The following ILDR2 variants were observed in gnomAD, a reference collection of about 807,000 sequenced individuals.
ILDR2 encodes the protein immunoglobulin-like domain-containing receptor 2.
ILDR2 carries 25 observed loss-of-function variants against 66.8 expected under a neutral mutation model. The observed-to-expected ratio is 0.37, with a 90% CI of 0.27 to 0.52. ILDR2 has a LOEUF of 0.52. Ranked by LOEUF, ILDR2 falls within the 20% of genes least tolerant of loss-of-function variation. The probability of loss-of-function intolerance (pLI) is 0.88; values close to 1 mark genes in which losing one functional copy is unlikely to be tolerated. For missense variants in ILDR2, 827 were observed against 876.8 expected (o/e 0.94, Z 0.72); for synonymous variants, 367 against 357.2 (o/e 1.03, Z -0.31).
intron 2 of ILDR2, among the ~76,000 whole-genome samples, chr1:166,902,592 G>T (rs2101813317): frequency 6.6e-6 from 1 of 152,358 alleles, no homozygotes; most frequent in Middle Eastern, 3.4e-3. Flanking sequence ...GAAACACATT[G>T]TCTCAGTCAC....
chr1:166,945,905 C>A (rs1038637664), intron 3 of ILDR2, among the ~76,000 whole-genome samples: 8 of 152,140 alleles, frequency 5.3e-5, no homozygotes, highest in Non-Finnish European at 1.0e-4. Context: ...TCCCCAGCTC[C>A]GTGTGGTTCC....
chr1:166,963,589 C>T (rs1662752352), intron 1 of ILDR2, among the ~76,000 whole-genome samples: 1 of 152,100 alleles, frequency 6.6e-6, no homozygotes, highest in African/African-American at 2.4e-5. Flanking sequence ...TCTAGAATAC[C>T]GTTTTTAAAA....
intron 3 of ILDR2, among the ~76,000 whole-genome samples, chr1:166,950,997 A>G (rs952260178): frequency 7.9e-5 from 12 of 152,214 alleles, no homozygotes; most frequent in African/African-American, 2.9e-4. Flanking sequence ...AGAAGCACAA[A>G]TGGATGAATT....
In ILDR2 at chr1:166,921,162, ACTC is replaced by A; in HGVS notation, c.1426_1428del (p.Glu476del). The A allele has an allele frequency of 3.2e-6, 5 of 1,544,426 alleles. No homozygotes were observed. Among genetic ancestry groups the A allele is most frequent in the Non-Finnish European group, 4.3e-6 (5 of 1,152,056 alleles). ...CGGCTGCGGCTGCGCTGACCGTAGT[ACTC>A]CTCCAAGGAGTCGTCCTGGTAGAAG... On this transcript the variant is annotated inframe_deletion, in exon 9 of 10. Coordinates refer to ENST00000271417, the MANE Select transcript of ILDR2 (RefSeq NM_199351.3). This position sits in a 1 kb window ranked among gnomAD's most constrained non-coding sequence, Gnocchi z 5.3.
At chr1:166,933,182 A>G (rs1660739849) in intron 6 of ILDR2, among the ~76,000 whole-genome samples, 2 of 152,406 alleles carry the variant, frequency 1.3e-5, no homozygotes, top group South Asian at 2.1e-4. Flanking sequence ...TAAGAGGTGC[A>G]TCTTGAGTAG....
intron 6 of ILDR2, among the ~76,000 whole-genome samples, chr1:166,934,291 C>T (rs1660812341): frequency 1.3e-5 from 2 of 152,208 alleles, no homozygotes; most frequent in African/African-American, 4.8e-5. Context: ...CTCCTTACCA[C>T]TTATTTCAAT....
intron 1 of ILDR2, among the ~76,000 whole-genome samples, chr1:166,962,804 A>G (rs574134622): frequency 6.6e-6 from 1 of 152,334 alleles, no homozygotes; most frequent in African/African-American, 2.4e-5. Flanking sequence ...ATACAGGCTA[A>G]TAAGAATATG....
At position 166,958,027 on chromosome 1, in the gene ILDR2, G is replaced by A. The variant is rs781739777; in HGVS notation, c.121C>T (p.Arg41Cys). 5 of 1,614,018 alleles carry A rather than the reference G, an allele frequency of 3.1e-6. No homozygotes were observed. Among genetic ancestry groups the A allele is most frequent in the Admixed American group, 1.7e-5 (1 of 60,002 alleles). ...TGGGAGGATGTTGAGAAGTGGCAGC[G>A]AAGCACAGTGGGCTGGAAGAGCATG... The part of the protein sequence containing the change: ...VAMLFQPTVL[R>C]CHFSTSSHQP... Residue 41 changes from arginine (R) to cysteine (C), a missense_variant, in exon 2 of 10, where the codon CGC becomes TGC. Coordinates refer to ENST00000271417, the MANE Select transcript of ILDR2 (RefSeq NM_199351.3).
In ILDR2 at chr1:166,935,321, G is replaced by C. The variant is rs1325261990; in HGVS notation, c.860C>G (p.Ser287Cys). Residue 287 changes from serine (S) to cysteine (C), a missense_variant, in exon 6 of 10, where the codon TCC becomes TGC. Transcript: ENST00000271417. ...TTTACCACTGTGGCTTCCTCCAGTGGAGTCACTTGGTGCCAAGGGAGGTGG... is the reference window on the plus strand; with the variant it reads ...TTTACCACTGTGGCTTCCTCCAGTGCAGTCACTTGGTGCCAAGGGAGGTGG... ...PHPPPLAPSD[S>C]TGGSHSVRKG... 3.1e-6 allele frequency: 5 copies of C among 1,614,012 alleles called. No individual in the cohort carries two copies. The highest frequency in any genetic ancestry group is 1.3e-5 in the African/African-American group (1 of 74,906).
chr1:166,940,533 G>A (rs911904722), intron 3 of ILDR2, among the ~76,000 whole-genome samples: 10 of 152,072 alleles, frequency 6.6e-5, no homozygotes, highest in African/African-American at 9.7e-5. Flanking sequence ...ACCTAAACAC[G>A]CAACTAAATT....
At chr1:166,929,058 T>C (rs1660472630) in intron 6 of ILDR2, among the ~76,000 whole-genome samples, 1 of 152,368 alleles carries the variant, frequency 6.6e-6, no homozygotes, top group South Asian at 2.1e-4. Context: ...TTATGTCTGA[T>C]GGATGAGACT....
chr1:166,950,423 GA>G (rs753373175), intron 3 of ILDR2, among the ~76,000 whole-genome samples: 6 of 152,088 alleles, frequency 3.9e-5, no homozygotes, highest in Non-Finnish European at 7.4e-5. Flanking sequence ...GGAGAGAGGG[GA>G]AACATTGGCA....
At chr1:166,973,916 G>A (rs150930203) in intron 1 of ILDR2, among the ~76,000 whole-genome samples, 2,152 of 152,284 alleles carry the variant, frequency 0.014, 18 homozygotes, top group Non-Finnish European at 0.021. Flanking sequence ...TGGGGCAACG[G>A]CAATGTTAGG....
downstream of ILDR2, among the ~76,000 whole-genome samples, chr1:166,907,650 A>G (rs1454623865): frequency 2.0e-5 from 3 of 152,234 alleles, no homozygotes; most frequent in Admixed American, 6.5e-5. Flanking sequence ...ATCAATAATC[A>G]GAGGAATGTG....
In ILDR2 at chr1:166,911,963, T is replaced by C. The variant is rs1659484196; in HGVS notation, c.*7392A>G. The C allele has an allele frequency of 6.6e-6, 1 of 152,146 alleles. No homozygotes were observed. The highest frequency in any genetic ancestry group is 6.5e-5 in the Admixed American group (1 of 15,280). 9.4% of individuals were successfully genotyped at this position (152,146 alleles called of 1,614,324 possible). The stretch of plus-strand genomic sequence containing the variant: ...TTTAAAAAGAAGAGGAAATATTTGA[T>C]GTGTTAATATAGCTGAGAGTTTTCC... On this transcript the variant is annotated 3_prime_UTR_variant, in exon 10 of 10. Coordinates refer to ENST00000271417, the MANE Select transcript of ILDR2 (RefSeq NM_199351.3).
At chr1:166,965,755 A>G (rs1414872680) in intron 1 of ILDR2, among the ~76,000 whole-genome samples, 1 of 115,284 alleles carries the variant, frequency 8.7e-6, no homozygotes, top group Non-Finnish European at 1.9e-5. Flanking sequence ...TTTTTTTTTT[A>G]GTAGAGGTGG....
Position 166,938,656 on chromosome 1 carries a change from T to C in ILDR2, c.556+858A>G, listed in dbSNP as rs142661868. 4.9e-3 allele frequency among the ~76,000 whole-genome samples: 744 copies of C among 152,354 alleles called. 11 individuals are homozygous for C. Among genetic ancestry groups the C allele is most frequent in the African/African-American group, 0.017 (712 of 41,568 alleles). On this transcript the variant is annotated intron_variant, in intron 4 of 9. Transcript: ENST00000271417. ...CAATGGTAAAGAATCTGGATGTTTT[T>C]AAAAATTTGGATTAAGCTAAAAACC... is the stretch of plus-strand genomic sequence containing the variant.
intron 3 of ILDR2, among the ~76,000 whole-genome samples, chr1:166,949,939 C>T (rs1367972682): frequency 6.6e-6 from 1 of 152,202 alleles, no homozygotes; most frequent in East Asian, 1.9e-4. Flanking sequence ...TCATGGAAAA[C>T]TATGGAGTTA....
intron 1 of ILDR2, among the ~76,000 whole-genome samples, chr1:166,963,287 G>C (rs1186088382): frequency 6.6e-6 from 1 of 152,166 alleles, no homozygotes; most frequent in Admixed American, 6.5e-5. Context: ...CAGGGATTGT[G>C]CTAAGCACTT....
Sources: allele counts gnomAD v4.1 joint callset (sites outside exome capture counted in the v4.1 genomes callset), GRCh38; gene constraint gnomAD v4.1.1; non-coding constraint Gnocchi (gnomAD v3.1); transcripts MANE v1.5; gene names NCBI Gene and HGNC (gene_info 2026-07-23, HGNC 2026-07-21).